Variants in BARX2 observed in about 807,000 individuals in gnomAD.
BARX2 encodes the protein homeobox protein BarH-like 2.
BARX2 carries 11 observed loss-of-function variants against 25.5 expected under a neutral mutation model. The ratio of observed to expected loss-of-function variants is 0.43; its 90% CI spans 0.27 to 0.71. BARX2 has a LOEUF of 0.71. Ranked by LOEUF, BARX2 falls within the 30% of genes least tolerant of loss-of-function variation. The pLI is 0.19. For missense variants in BARX2, 360 were observed against 359.9 expected (o/e 1.00, Z 0.00); for synonymous variants, 137 against 149.5 (o/e 0.92, Z 0.61).
chr11:129,403,726 T>C (rs928026771), intron 1 of BARX2, among the ~76,000 whole-genome samples: 1 of 152,190 alleles, frequency 6.6e-6, no homozygotes, highest in Non-Finnish European at 1.5e-5. Flanking sequence ...TTGTATTTTT[T>C]AAATATTTTT....
chr11:129,419,924 G>A (rs116604268), intron 1 of BARX2, among the ~76,000 whole-genome samples: 2,107 of 152,102 alleles, frequency 0.014, 42 homozygotes, highest in African/African-American at 0.047. Flanking sequence ...GAGATTACAT[G>A]CATTAGCCAC....
chr11:129,424,089 C>T (rs1199879596), intron 1 of BARX2, among the ~76,000 whole-genome samples: 1 of 152,166 alleles, frequency 6.6e-6, no homozygotes, highest in Non-Finnish European at 1.5e-5. Context: ...ACCTTGTGAT[C>T]CTCCCACCTT....
intron 1 of BARX2, among the ~76,000 whole-genome samples, chr11:129,412,312 T>A: frequency 6.6e-6 from 1 of 151,606 alleles, no homozygotes; most frequent in African/African-American, 2.4e-5. Context: ...GTTTATAAAA[T>A]ATAGGTAGAT....
chr11:129,422,697 T>C (rs940706668), intron 1 of BARX2, among the ~76,000 whole-genome samples: 2 of 136,132 alleles, frequency 1.5e-5, no homozygotes, highest in Non-Finnish European at 3.1e-5. Flanking sequence ...TGAATTGGAT[T>C]TTATTCTCTT....
intron 2 of BARX2, among the ~76,000 whole-genome samples, chr11:129,439,863 T>G (rs1013112779): frequency 7.2e-5 from 11 of 152,212 alleles, no homozygotes; most frequent in African/African-American, 2.7e-4. Flanking sequence ...TCAGACGGGC[T>G]TCAGCGTGCA....
At chr11:129,435,005 C>G (rs577151012) in intron 1 of BARX2, among the ~76,000 whole-genome samples, 10 of 152,300 alleles carry the variant, frequency 6.6e-5, no homozygotes, top group Non-Finnish European at 1.3e-4. Context: ...ACACATTAGC[C>G]TGCTAAAGAA....
At chr11:129,420,301 A>G (rs1861990646) in intron 1 of BARX2, among the ~76,000 whole-genome samples, 1 of 152,214 alleles carries the variant, frequency 6.6e-6, no homozygotes, top group African/African-American at 2.4e-5. Context: ...TCCCAAAAAT[A>G]GACCACATGA....
intron 1 of BARX2, among the ~76,000 whole-genome samples, chr11:129,388,601 GT>G (rs918792678): frequency 2.0e-5 from 3 of 152,170 alleles, no homozygotes; most frequent in African/African-American, 7.2e-5. Flanking sequence ...TACTCATTAG[GT>G]TCAGTGAGAA....
intron 2 of BARX2, 94 bp downstream of exon 2, chr11:129,437,145 A>C: frequency 3.8e-6 from 5 of 1,332,490 alleles, no homozygotes; most frequent in Non-Finnish European, 5.0e-6. Flanking sequence ...GCACTGGTAC[A>C]GTGAGGCAGG....
chr11:129,414,389 G>A (rs188355568), intron 1 of BARX2, among the ~76,000 whole-genome samples: 10 of 152,250 alleles, frequency 6.6e-5, no homozygotes, highest in African/African-American at 2.2e-4. Context: ...ATTTACATAA[G>A]TATAGTCTTT....
chr11:129,403,831 C>T (rs1225059537), intron 1 of BARX2, among the ~76,000 whole-genome samples: 5 of 152,162 alleles, frequency 3.3e-5, no homozygotes, highest in African/African-American at 7.2e-5. Flanking sequence ...AGTGACCCTC[C>T]TGCCTTAGCC....
intron 1 of BARX2, among the ~76,000 whole-genome samples, chr11:129,400,958 G>A (rs1304619347): frequency 6.6e-6 from 1 of 152,226 alleles, no homozygotes; most frequent in Non-Finnish European, 1.5e-5. Flanking sequence ...GGCAGCTGAA[G>A]GATCCAATGA....
intron 2 of BARX2, among the ~76,000 whole-genome samples, chr11:129,440,176 T>G (rs1269057738): frequency 3.3e-5 from 5 of 152,240 alleles, no homozygotes; most frequent in Non-Finnish European, 7.3e-5. Context: ...TGACCCCATT[T>G]AAGCGAATAT....
At chr11:129,432,236 A>G (rs1862137966) in intron 1 of BARX2, among the ~76,000 whole-genome samples, 1 of 151,996 alleles carries the variant, frequency 6.6e-6, no homozygotes, top group Non-Finnish European at 1.5e-5. Flanking sequence ...TAATTTTTGT[A>G]TTTCTAGTAA....
At chr11:129,411,593 G>C (rs1591436560) in intron 1 of BARX2, among the ~76,000 whole-genome samples, 1 of 152,100 alleles carries the variant, frequency 6.6e-6, no homozygotes. Context: ...AGAGAAAAAG[G>C]GTTTACATAC....
chr11:129,442,281 G>A (rs920491838), intron 2 of BARX2, among the ~76,000 whole-genome samples: 1 of 152,134 alleles, frequency 6.6e-6, no homozygotes, highest in Non-Finnish European at 1.5e-5. Context: ...AGTTAGGGAG[G>A]CAGAAATAAC....
chr11:129,449,706 A>G (rs1450210930), intron 3 of BARX2, among the ~76,000 whole-genome samples: 3 of 152,192 alleles, frequency 2.0e-5, no homozygotes, highest in Non-Finnish European at 4.4e-5. Context: ...GGCTTGCTTT[A>G]TATCTTTTCT....
At chr11:129,392,611 T>G (rs1861677014) in intron 1 of BARX2, among the ~76,000 whole-genome samples, 1 of 152,174 alleles carries the variant, frequency 6.6e-6, no homozygotes, top group Non-Finnish European at 1.5e-5. Flanking sequence ...ACTTTTTTTT[T>G]GTTTGATTCT....
At chr11:129,398,149 T>C (rs975026191) in intron 1 of BARX2, among the ~76,000 whole-genome samples, 1 of 152,234 alleles carries the variant, frequency 6.6e-6, no homozygotes, top group Non-Finnish European at 1.5e-5. Context: ...ATGCAGACTG[T>C]GATGGTGACT....
Sources: allele counts gnomAD v4.1 joint callset (sites outside exome capture counted in the v4.1 genomes callset), GRCh38; gene constraint gnomAD v4.1.1; transcripts MANE v1.5; gene names NCBI Gene and HGNC (gene_info 2026-07-23, HGNC 2026-07-21).